The following LYRM1 variants were observed in gnomAD, a reference collection of about 807,000 sequenced individuals.
LYRM1 encodes LYR motif containing 1.
LYRM1 carries 14 observed loss-of-function variants against 14.9 expected under a neutral mutation model. The observed-to-expected ratio is 0.94, with a 90% confidence interval of 0.62 to 1.47. The LOEUF (loss-of-function observed/expected upper bound fraction) is 1.47, where lower values mean the gene tolerates loss of function less well. Ranked by LOEUF, LYRM1 falls within the 40% of genes most tolerant of loss-of-function variation. The pLI is 0.00. For synonymous variants in LYRM1, 43 were observed against 56.2 expected (o/e 0.77, Z 1.05); for missense variants, 153 against 149.9 (o/e 1.02, Z -0.11).
intron 2 of LYRM1, among the ~76,000 whole-genome samples, chr16:20,918,968 A>G (rs2083048435): frequency 6.6e-6 from 1 of 152,190 alleles, no homozygotes; most frequent in Non-Finnish European, 1.5e-5. Context: ...TCCAAGCCAC[A>G]TGGACCCAGA....
rs1306212366 is a variant in LYRM1 at position 20,924,582 on chromosome 16, T to G, written c.*466T>G. 6.5e-6 allele frequency: 1 copy of G among 152,716 alleles called. No individual in the cohort carries two copies. Among genetic ancestry groups the G allele is most frequent in the Non-Finnish European group, 1.5e-5 (1 of 68,382 alleles). The allele number at this position is 152,716 out of a possible 1,614,324, so 9.5% of individuals were successfully genotyped here. On this transcript the variant is annotated 3_prime_UTR_variant, in exon 4 of 4. Coordinates refer to ENST00000567954, the MANE Select transcript of LYRM1 (RefSeq NM_001128302.3). ...GGTTTTTTGGTGTGTGCTTTTTTGTTGTCTTTTGACCCTTCCAGTTTCCAG... is the reference window on the plus strand; with the variant it reads ...GGTTTTTTGGTGTGTGCTTTTTTGTGGTCTTTTGACCCTTCCAGTTTCCAG...
chr16:20,923,514 G>GAA lies in LYRM1; in HGVS notation c.253-484_253-483dup, dbSNP rs1251153160. Among the ~76,000 whole-genome samples the GAA allele has an allele frequency of 5.0e-5, 7 of 141,336 alleles. No homozygotes were observed. In the Admixed American group the frequency reaches 5.0e-4, roughly 10 times the overall value. 92.7% of individuals were successfully genotyped at this position (141,336 alleles called of 152,430 possible). On this transcript the variant is annotated intron_variant, in intron 3 of 3. Coordinates refer to ENST00000567954, the MANE Select transcript of LYRM1 (RefSeq NM_001128302.3). ...ACTGTGTCTCAAAAAAAAAAAAAAA[G>GAA]AAAGAAAGAAAAATTAACCATCCCA...
At chr16:20,904,696 T>TGTGTGTGTGTGTGTGTGTGG (rs2082234304) in intron 1 of LYRM1, among the ~76,000 whole-genome samples, 1 of 147,708 alleles carries the variant, frequency 6.8e-6, no homozygotes, top group Non-Finnish European at 1.5e-5. Flanking sequence ...TGTGGTTGTG[T>TGTGTGTGTGTGTGTGTGTGG]GTGTGTGTGT....
In LYRM1 at chr16:20,924,383, G is replaced by A. The variant is rs2083358413; in HGVS notation, c.*267G>A. On this transcript the variant is annotated 3_prime_UTR_variant, in exon 4 of 4. Transcript: ENST00000567954. ...GAAACAAGACCGAGGCCTGTAGAAG[G>A]AAAGCGGAAGGATGTAAGAGCTGTT... 2 of 305,268 alleles carry A rather than the reference G, an allele frequency of 6.6e-6. No homozygotes were observed. Among genetic ancestry groups the A allele is most frequent in the Non-Finnish European group, 6.1e-6 (1 of 163,430 alleles). The allele number at this position is 305,268 out of a possible 1,614,324, so 18.9% of individuals were successfully genotyped here.
intron 1 of LYRM1, among the ~76,000 whole-genome samples, chr16:20,906,760 A>G (rs2082340159): frequency 6.6e-6 from 1 of 152,332 alleles, no homozygotes; most frequent in East Asian, 1.9e-4. Context: ...TTCCAAAGGC[A>G]GAGGAACTGT....
intron 1 of LYRM1, among the ~76,000 whole-genome samples, chr16:20,907,736 C>T (rs770185197): frequency 1.7e-4 from 26 of 152,080 alleles, no homozygotes; most frequent in Admixed American, 4.6e-4. Context: ...CACCAGCTTC[C>T]CCTTACCTGG....
chr16:20,914,626 A>G (rs1029974589), intron 1 of LYRM1, among the ~76,000 whole-genome samples: 1 of 151,986 alleles, frequency 6.6e-6, no homozygotes, highest in Non-Finnish European at 1.5e-5. Flanking sequence ...ATAATGACTT[A>G]GTGTGTTTTT....
At chr16:20,920,949 T>TAAA (rs879664481) in intron 3 of LYRM1, among the ~76,000 whole-genome samples, 1 of 133,282 alleles carries the variant, frequency 7.5e-6, no homozygotes, top group African/African-American at 2.7e-5. Flanking sequence ...TATATAAACT[T>TAAA]AATACATTCA....
rs1596815390 is a variant in LYRM1, at chr16:20,922,512, C to T, written c.253-1488C>T. ...GTTTTTTTGGTTCTTTTTTTTTAGA[C>T]GGAGTCTCGCACTGTCACCCGGGCT... On this transcript the variant is annotated intron_variant, in intron 3 of 3. Transcript: ENST00000567954. 2.0e-5 allele frequency among the ~76,000 whole-genome samples: 3 copies of T among 151,978 alleles called. No homozygotes were observed. In the South Asian group the frequency reaches 6.2e-4, roughly 32 times the overall value.
intron 3 of LYRM1, among the ~76,000 whole-genome samples, chr16:20,923,599 A>G (rs1284183393): frequency 6.6e-6 from 1 of 152,042 alleles, no homozygotes; most frequent in African/African-American, 2.4e-5. Context: ...GTTTTCTACT[A>G]TGCACAGAAC....
In LYRM1 at chr16:20,924,630, A is replaced by C. The variant is rs1324080474; in HGVS notation, c.*514A>C. Reference sequence around the variant, plus strand: ...CAGACAAACTTGTCTTAAAAAGTGCATCATTGGATTGACCATGGTTTTTCA... The same window carrying C: ...CAGACAAACTTGTCTTAAAAAGTGCCTCATTGGATTGACCATGGTTTTTCA... On this transcript the variant is annotated 3_prime_UTR_variant, in exon 4 of 4. Coordinates refer to ENST00000567954, the MANE Select transcript of LYRM1 (RefSeq NM_001128302.3). The C allele has an allele frequency of 6.6e-6, 1 of 152,372 alleles. No homozygotes were observed. The highest frequency in any genetic ancestry group is 2.4e-5 in the African/African-American group (1 of 41,376). 9.4% of individuals were successfully genotyped at this position (152,372 alleles called of 1,614,324 possible). A position where few individuals can be genotyped will look rare whatever the true frequency, so the allele number is the denominator to read the frequency against.
At chr16:20,920,937 A>C (rs2083154443) in intron 3 of LYRM1, among the ~76,000 whole-genome samples, 1 of 82,806 alleles carries the variant, frequency 1.2e-5, no homozygotes, top group South Asian at 4.1e-4. Flanking sequence ...AAATAAAAAA[A>C]TTATATAAAC....
chr16:20,904,546 A>G (rs1401111291), intron 1 of LYRM1, among the ~76,000 whole-genome samples: 1 of 152,210 alleles, frequency 6.6e-6, no homozygotes, highest in Admixed American at 6.5e-5. Context: ...ATGCTGTTTC[A>G]TAAAATAGCT....
At chr16:20,912,441 T>G (rs12926516) in intron 1 of LYRM1, among the ~76,000 whole-genome samples, 94,296 of 151,220 alleles carry the variant, frequency 0.62, 30,782 homozygotes, top group Non-Finnish European at 0.73. Context: ...TAATTTTTTT[T>G]TGTGTATTTT....
chr16:20,913,763 T>C (rs2082720751), intron 1 of LYRM1, among the ~76,000 whole-genome samples: 1 of 152,192 alleles, frequency 6.6e-6, no homozygotes, highest in Non-Finnish European at 1.5e-5. Flanking sequence ...TGTTTGAGAC[T>C]AAAAACCCAG....
In LYRM1 at chr16:20,908,868, C is replaced by T. The variant is rs978270779; in HGVS notation, c.1-6688C>T. ...TCAGCCAAGACAGACAGAAGTATGA[C>T]ATGGCAAGGCACCTTAGAGCAGTAG... On this transcript the variant is annotated intron_variant, in intron 1 of 3. Coordinates refer to ENST00000567954, the MANE Select transcript of LYRM1 (RefSeq NM_001128302.3). Among the ~76,000 whole-genome samples the T allele has an allele frequency of 2.6e-5, 4 of 152,218 alleles. 1 individual carries two copies. The highest frequency in any genetic ancestry group is 6.5e-5 in the Admixed American group (1 of 15,276).
At chr16:20,910,552 T>TA (rs1485413209) in intron 1 of LYRM1, among the ~76,000 whole-genome samples, 2 of 152,230 alleles carry the variant, frequency 1.3e-5, no homozygotes, top group Non-Finnish European at 2.9e-5. Context: ...TATGATCAGT[T>TA]AGAGTTTGAA....
In LYRM1 at chr16:20,901,699, T is replaced by C. The variant is rs2082065178; in HGVS notation, c.-1+810T>C. Among the ~76,000 whole-genome samples, 1 of 152,196 alleles carries C rather than the reference T, an allele frequency of 6.6e-6. No homozygotes were observed. Among genetic ancestry groups the C allele is most frequent in the Non-Finnish European group, 1.5e-5 (1 of 68,036 alleles). On this transcript the variant is annotated intron_variant, in intron 1 of 3. Transcript: ENST00000567954. The surrounding 1 kb of genome is among the most constrained non-coding windows in gnomAD (Gnocchi z 4.6). ...TTGGCTAATGTGTACCTTAAGGGTTTTAAGAAGGGAAGTGACCTGACCTGA... is the reference window on the plus strand; with the variant it reads ...TTGGCTAATGTGTACCTTAAGGGTTCTAAGAAGGGAAGTGACCTGACCTGA...
chr16:20,912,443 G>C (rs1181134424), intron 1 of LYRM1, among the ~76,000 whole-genome samples: 1 of 151,320 alleles, frequency 6.6e-6, no homozygotes, highest in Non-Finnish European at 1.5e-5. Flanking sequence ...ATTTTTTTTT[G>C]TGTATTTTTA....
Sources: gnomAD v4.1 joint callset for allele counts (sites outside exome capture counted in the v4.1 genomes callset) on GRCh38, gnomAD v4.1.1 for gene constraint, Gnocchi (gnomAD v3.1) non-coding constraint, MANE v1.5 for transcripts, NCBI Gene and HGNC (gene_info 2026-07-23, HGNC 2026-07-21) for gene names.